Variants in CLCA2 observed in about 807,000 individuals in gnomAD.
CLCA2 encodes the protein chloride channel accessory 2.
Under a neutral mutation model 82.9 loss-of-function variants are expected in CLCA2, and 85 were observed. The ratio of observed to expected loss-of-function variants is 1.03; its 90% CI spans 0.86 to 1.23. CLCA2 has a LOEUF of 1.23. Ranked by LOEUF, CLCA2 falls within the 50% of genes most tolerant of loss-of-function variation. The pLI, the probability that CLCA2 is intolerant of heterozygous loss-of-function variation, is 0.00. For missense variants in CLCA2, 1,089 were observed against 1,124.8 expected, an observed-to-expected ratio of 0.97 and a Z score of 0.45; for synonymous variants, 421 against 391.7, an observed-to-expected ratio of 1.07 and a Z score of -0.88.
chr1:86,444,144 A>G (rs2101706255), intron 10 of CLCA2, 133 bp downstream of exon 10: 1 of 633,504 alleles, frequency 1.6e-6, no homozygotes. Flanking sequence ...TAAATTTATG[A>G]GGCCATTTTG....
intron 6 of CLCA2, among the ~76,000 whole-genome samples, chr1:86,436,310 C>T (rs551561348): frequency 6.6e-5 from 10 of 152,292 alleles, no homozygotes; most frequent in Admixed American, 2.6e-4. Flanking sequence ...GTATTTACCC[C>T]GCAGAAACTG....
At position 86,432,411 on chromosome 1, in the gene CLCA2, T is replaced by C; in HGVS notation, c.627T>C (p.Gly209=). Reference sequence around the variant, plus strand: ...CAGGCATTTTTGTGTGTGAAAAAGGTCCTTGCCCCCAAGAAAACTGTATTA... The same window carrying C: ...CAGGCATTTTTGTGTGTGAAAAAGGCCCTTGCCCCCAAGAAAACTGTATTA... ...DITGIFVCEK[G]PCPQENCIIS... Residue 209 remains glycine (G), a synonymous_variant, in exon 5 of 14, where the codon GGT becomes GGC. Transcript: ENST00000370565. The C allele has an allele frequency of 6.2e-7, 1 of 1,614,072 alleles. No individual in the cohort carries two copies. Among genetic ancestry groups the C allele is most frequent in the Non-Finnish European group, 8.5e-7 (1 of 1,179,984 alleles).
In CLCA2 at chr1:86,450,715, C is replaced by T. The variant is rs1162069695; in HGVS notation, c.2137C>T (p.Pro713Ser). Residue 713 changes from proline to serine, a missense_variant, in exon 12 of 14, where the codon CCA (proline) becomes TCA (serine). By Grantham distance (74) the Pro-to-Ser change is moderately conservative. Coordinates refer to ENST00000370565, the MANE Select transcript of CLCA2 (RefSeq NM_006536.7). ...TCCAGGGAGTCATGCTATGTATGTA[C>T]CAGGTTACACAGCAAACGGTAAGAA... ...SIPGSHAMYV[P>S]GYTANGNIQM... is the part of the protein sequence containing the mutation. 7.5e-6 allele frequency: 12 copies of T among 1,602,526 alleles called. No homozygotes were observed. Among genetic ancestry groups the T allele is most frequent in the Non-Finnish European group, 1.0e-5 (12 of 1,174,740 alleles).
intron 11 of CLCA2, chr1:86,448,008 G>T (rs1558117697): frequency 3.7e-6 from 2 of 544,248 alleles, no homozygotes; most frequent in East Asian, 3.2e-5. Flanking sequence ...TGAGCAAAGG[G>T]TGGGAGGCAG....
rs1170549035 is a variant in CLCA2 at position 86,455,438 on chromosome 1, A to G, written c.2743A>G (p.Ile915Val). 2 of 1,594,300 alleles carry G rather than the reference A, an allele frequency of 1.3e-6. No individual in the cohort carries two copies. Among genetic ancestry groups the G allele is most frequent in the Non-Finnish European group, 1.7e-6 (2 of 1,172,692 alleles). ...GVLTAMGLIG[I>V]ICLIIVVTHH... is the part of the protein sequence containing the mutation. ...TTTAACAGCAATGGGTTTGATAGGA[A>G]TCATTTGCCTTATTATAGTTGTGAC... The change falls in exon 14 of 14, where the codon ATC becomes GTC. Residue 915 changes from isoleucine (I) to valine (V), a missense_variant. Coordinates refer to ENST00000370565, the MANE Select transcript of CLCA2 (RefSeq NM_006536.7).
At chr1:86,442,239 G>A (rs1662750984) in intron 9 of CLCA2, among the ~76,000 whole-genome samples, 1 of 152,040 alleles carries the variant, frequency 6.6e-6, no homozygotes, top group African/African-American at 2.4e-5. Flanking sequence ...ACACAGTGAA[G>A]GCAATAAACA....
intron 8 of CLCA2, among the ~76,000 whole-genome samples, 159 bp downstream of exon 8, chr1:86,440,484 A>AT (rs56285235): frequency 3.3e-4 from 50 of 150,540 alleles, no homozygotes; most frequent in Middle Eastern, 3.4e-3. Flanking sequence ...AATTTTGCTG[A>AT]TTTTTTTTTT....
In CLCA2 at chr1:86,455,257, A is replaced by G. The variant is rs1394912638; in HGVS notation, c.2562A>G (p.Gly854=). ...ATGGACCTGAACATCAGCCAAATGG[A>G]GAAACACATGAAAGCCACAGAATTT... ...STNGPEHQPN[G]ETHESHRIYV... The change falls in exon 14 of 14, where the codon GGA becomes GGG. Residue 854 remains glycine (G), a synonymous_variant. Coordinates refer to ENST00000370565, the MANE Select transcript of CLCA2 (RefSeq NM_006536.7). The G allele has an allele frequency of 1.2e-6, 2 of 1,614,188 alleles. No homozygotes were observed. Among genetic ancestry groups the G allele is most frequent in the South Asian group, 2.2e-5 (2 of 91,082 alleles).
rs964181738 is a variant in CLCA2 at position 86,454,052 on chromosome 1, C to T, written c.2389+450C>T. On this transcript the variant is annotated intron_variant, in intron 13 of 13. Transcript: ENST00000370565. ...TCTGGCCATTATGTTTGCGAGGAAG[C>T]CTGGGACCAGTCCCCTGATTCAGGG... Among the ~76,000 whole-genome samples, 6 of 152,146 alleles carry T rather than the reference C, an allele frequency of 3.9e-5. No individual in the cohort carries two copies. In the East Asian group the frequency reaches 1.2e-3, roughly 29 times the overall value.
chr1:86,444,301 TACAA>T (rs1662803902), intron 10 of CLCA2, among the ~76,000 whole-genome samples: 2 of 152,342 alleles, frequency 1.3e-5, no homozygotes, highest in Admixed American at 6.5e-5. Flanking sequence ...ACATAATCCA[TACAA>T]ACACACTTTT....
chr1:86,435,921 T>C (rs953255976), intron 6 of CLCA2, among the ~76,000 whole-genome samples: 1 of 78,790 alleles, frequency 1.3e-5, no homozygotes, highest in Non-Finnish European at 2.6e-5. Context: ...TGGGTTTACA[T>C]TTTAAATGGT....
chr1:86,434,478 A>G (rs754415602), intron 5 of CLCA2, 40 bp from the exon 6 acceptor site: 1 of 1,525,436 alleles, frequency 6.6e-7, no homozygotes, highest in Admixed American at 1.7e-5. Flanking sequence ...TTGCTTTGGG[A>G]GAAGTGCCTC....
chr1:86,433,946 T>G (rs914626343), intron 5 of CLCA2, among the ~76,000 whole-genome samples: 1 of 152,200 alleles, frequency 6.6e-6, no homozygotes, highest in African/African-American at 2.4e-5. Context: ...TCAGTATCAT[T>G]TAGTGAATTA....
chr1:86,428,818 G>A (rs1305707756), intron 3 of CLCA2, among the ~76,000 whole-genome samples: 1 of 152,140 alleles, frequency 6.6e-6, no homozygotes, highest in East Asian at 1.9e-4. Flanking sequence ...TAGAGTCAAG[G>A]GTGGTCAGAA....
chr1:86,427,621 A>G (rs143279046), intron 2 of CLCA2, among the ~76,000 whole-genome samples: 1 of 152,026 alleles, frequency 6.6e-6, no homozygotes, highest in Admixed American at 6.6e-5. Flanking sequence ...TGTATATTGG[A>G]TCGTATTAGA....
At chr1:86,447,475 A>T (rs1190705935) in intron 10 of CLCA2, 33 bp from the exon 11 acceptor site, 25 of 1,572,706 alleles carry the variant, frequency 1.6e-5, no homozygotes, top group Non-Finnish European at 2.1e-5. Context: ...TTTTTTTTTC[A>T]CACTTTCCAA....
Position 86,447,809 on chromosome 1 carries a change from C to T in CLCA2, c.1984+31C>T, listed in dbSNP as rs759860983. 5 of 1,594,856 alleles carry T rather than the reference C, an allele frequency of 3.1e-6. No homozygotes were observed. The African/African-American group carries it at 6.7e-5, about 21-fold the overall frequency. On this transcript the variant is annotated intron_variant, in intron 11 of 13. Coordinates refer to ENST00000370565, the MANE Select transcript of CLCA2 (RefSeq NM_006536.7). ...AAGGAATGTCATGACATTTTATCATCTTCTCAACAGCTGTTGTGATATGAT... is the reference window on the plus strand; with the variant it reads ...AAGGAATGTCATGACATTTTATCATTTTCTCAACAGCTGTTGTGATATGAT...
Position 86,455,344 on chromosome 1 carries a change from G to A in CLCA2, c.2649G>A (p.Gln883=), listed in dbSNP as rs1663053375. The A allele has an allele frequency of 6.2e-7, 1 of 1,612,566 alleles. No homozygotes were observed. The highest frequency in any genetic ancestry group is 1.7e-5 in the Admixed American group (1 of 59,678). ...SLQSAVSNIA[Q]APLFIPPNSD... is the part of the protein sequence containing the mutation. ...AGTCTGCTGTATCTAACATTGCCCAGGCGCCTCTGTTTATTCCCCCCAATT... is the reference window on the plus strand; with the variant it reads ...AGTCTGCTGTATCTAACATTGCCCAAGCGCCTCTGTTTATTCCCCCCAATT... Residue 883 remains glutamine (Q), a synonymous_variant, in exon 14 of 14, where the codon CAG becomes CAA. Coordinates refer to ENST00000370565, the MANE Select transcript of CLCA2 (RefSeq NM_006536.7).
intron 6 of CLCA2, among the ~76,000 whole-genome samples, chr1:86,438,541 A>G (rs1012155124): frequency 2.6e-5 from 4 of 152,190 alleles, no homozygotes. Context: ...TTTTTAAAAC[A>G]GCAGTTACAA....
Sources: gnomAD v4.1 joint callset for allele counts (sites outside exome capture counted in the v4.1 genomes callset) on GRCh38, gnomAD v4.1.1 for gene constraint, MANE v1.5 for transcripts, NCBI Gene and HGNC (gene_info 2026-07-23, HGNC 2026-07-21) for gene names.